Variants in SPON1 observed in about 807,000 individuals in gnomAD.
The protein encoded by SPON1 is spondin 1.
SPON1 carries 52 observed loss-of-function variants against 111.7 expected under a neutral mutation model. The observed-to-expected ratio is 0.47, with a 90% CI of 0.37 to 0.59. SPON1 has a LOEUF of 0.59. Ranked by LOEUF, SPON1 falls within the 20% of genes least tolerant of loss-of-function variation. The pLI is 0.00. For synonymous variants in SPON1, 410 were observed against 395.8 expected (o/e 1.04, Z -0.43); for missense variants, 957 against 1,068.5 (o/e 0.90, Z 1.46).
At chr11:14,171,016 G>A (rs1848092354) in intron 6 of SPON1, among the ~76,000 whole-genome samples, 1 of 152,226 alleles carries the variant, frequency 6.6e-6, no homozygotes, top group Non-Finnish European at 1.5e-5. Context: ...CATAAAATGA[G>A]TTAGGGAGGA....
At chr11:14,091,315 T>A (rs567448866) in intron 5 of SPON1, among the ~76,000 whole-genome samples, 1 of 151,528 alleles carries the variant, frequency 6.6e-6, no homozygotes, top group African/African-American at 2.4e-5. Flanking sequence ...GCCAGTCCCG[T>A]GCCGAGCGCT....
intron 5 of SPON1, among the ~76,000 whole-genome samples, chr11:14,117,984 C>G (rs1007825836): frequency 6.6e-6 from 1 of 152,264 alleles, no homozygotes; most frequent in African/African-American, 2.4e-5. Context: ...TTCTCACTAC[C>G]TCTTCTCTTC....
chr11:14,190,316 T>A (rs1848331442), intron 6 of SPON1, among the ~76,000 whole-genome samples: 1 of 152,346 alleles, frequency 6.6e-6, no homozygotes, highest in East Asian at 1.9e-4. Context: ...GATCATTTTT[T>A]AAAATGCTGC....
At chr11:14,133,370 G>T (rs1554927735) in intron 5 of SPON1, among the ~76,000 whole-genome samples, 1 of 152,248 alleles carries the variant, frequency 6.6e-6, no homozygotes, top group East Asian at 1.9e-4. Context: ...TGAGATAACA[G>T]ACTGTAAGAG....
intron 6 of SPON1, among the ~76,000 whole-genome samples, chr11:14,165,956 C>T (rs553743040): frequency 6.6e-6 from 1 of 152,274 alleles, no homozygotes; most frequent in East Asian, 1.9e-4. Flanking sequence ...GGGTTTGTAT[C>T]CTCAAATACC....
At chr11:14,006,544 G>A (rs1243473924) in intron 2 of SPON1, among the ~76,000 whole-genome samples, 2 of 152,074 alleles carry the variant, frequency 1.3e-5, no homozygotes, top group East Asian at 3.9e-4. Flanking sequence ...GAATGCAGGG[G>A]GCTGAGTAGG....
At chr11:14,141,021 G>GCCCCGC in intron 6 of SPON1, among the ~76,000 whole-genome samples, 1 of 114,692 alleles carries the variant, frequency 8.7e-6, no homozygotes, top group East Asian at 3.2e-4. Context: ...ATGCAGGCGT[G>GCCCCGC]CCCCCCCCAT....
chr11:14,226,571 G>A (rs188077641), intron 6 of SPON1, among the ~76,000 whole-genome samples: 28 of 152,300 alleles, frequency 1.8e-4, no homozygotes, highest in Admixed American at 1.7e-3. Flanking sequence ...TTTACTGAAT[G>A]CATATAGCTT....
At chr11:14,071,379 A>C (rs1848874536) in intron 3 of SPON1, among the ~76,000 whole-genome samples, 1 of 152,004 alleles carries the variant, frequency 6.6e-6, no homozygotes, top group African/African-American at 2.4e-5. Flanking sequence ...TCAACTCTGC[A>C]CGCTTTCCCT....
intron 1 of SPON1, among the ~76,000 whole-genome samples, chr11:13,968,100 A>T (rs1848033291): frequency 6.6e-6 from 1 of 152,096 alleles, no homozygotes; most frequent in South Asian, 2.1e-4. Flanking sequence ...GGAGCTTTTC[A>T]CTCTCACACT....
intron 3 of SPON1, among the ~76,000 whole-genome samples, chr11:14,041,999 C>G (rs1848634966): frequency 6.6e-6 from 1 of 152,044 alleles, no homozygotes; most frequent in African/African-American, 2.4e-5. Flanking sequence ...TCGGAACATA[C>G]AGCACCTAGA....
At chr11:14,038,810 A>G (rs1848612569) in intron 2 of SPON1, among the ~76,000 whole-genome samples, 1 of 152,172 alleles carries the variant, frequency 6.6e-6, no homozygotes, top group Admixed American at 6.5e-5. Flanking sequence ...ATCTAAATAT[A>G]CTATTGCCAT....
At position 14,147,559 on chromosome 11, in the gene SPON1, A is replaced by T. The variant is rs73424146; in HGVS notation, c.825+11991A>T. ...CAGCCTCCCAAGTAGCTTGGATTAC[A>T]GGCACCCACCACCAGCCTGGCTAAT... On this transcript the variant is annotated intron_variant, in intron 6 of 15. Coordinates refer to ENST00000576479, the MANE Select transcript of SPON1 (RefSeq NM_006108.4). Among the ~76,000 whole-genome samples, 1,248 of 152,006 alleles carry T rather than the reference A, an allele frequency of 8.2e-3. 13 individuals are homozygous for T. The highest frequency in any genetic ancestry group is 0.028 in the African/African-American group (1,163 of 41,444).
At chr11:14,178,374 A>T (rs1554933338) in intron 6 of SPON1, among the ~76,000 whole-genome samples, 1 of 150,398 alleles carries the variant, frequency 6.6e-6, no homozygotes, top group African/African-American at 2.4e-5. Context: ...GTGAGCCGAG[A>T]TTGCACCACT....
chr11:14,010,168 C>G (rs1554913556), intron 2 of SPON1, among the ~76,000 whole-genome samples: 1 of 152,062 alleles, frequency 6.6e-6, no homozygotes, highest in African/African-American at 2.4e-5. Context: ...TCAGTTTTGC[C>G]CATGTTGGAG....
At chr11:14,112,545 GTTAA>G (rs1849234043) in intron 5 of SPON1, among the ~76,000 whole-genome samples, 1 of 152,248 alleles carries the variant, frequency 6.6e-6, no homozygotes, top group Non-Finnish European at 1.5e-5. Context: ...TGAGGATGAA[GTTAA>G]TTAATTTATG....
intron 2 of SPON1, among the ~76,000 whole-genome samples, chr11:14,027,325 G>A (rs1564888794): frequency 6.6e-6 from 1 of 152,308 alleles, no homozygotes. Context: ...TGGTGATGTC[G>A]TGGAAAGGTC....
chr11:14,236,364 G>A (rs372779695), intron 6 of SPON1, among the ~76,000 whole-genome samples: 3 of 152,088 alleles, frequency 2.0e-5, no homozygotes, highest in East Asian at 1.9e-4. Context: ...CTGAAAGTAC[G>A]GCATTGCCAT....
chr11:14,131,627 G>C (rs76275808), intron 5 of SPON1, among the ~76,000 whole-genome samples: 3,308 of 152,110 alleles, frequency 0.022, 123 homozygotes, highest in African/African-American at 0.075. Context: ...CAATTCTTTC[G>C]AAAACTATCT....
Sources: allele counts gnomAD v4.1 joint callset (sites outside exome capture counted in the v4.1 genomes callset), GRCh38; gene constraint gnomAD v4.1.1; transcripts MANE v1.5; gene names NCBI Gene and HGNC (gene_info 2026-07-23, HGNC 2026-07-21).